Variants in ANKRD17 observed in about 807,000 individuals in gnomAD.
ANKRD17 encodes ankyrin repeat domain 17.
A neutral mutation model predicts 229.7 loss-of-function variants in ANKRD17; 19 were observed. The observed-to-expected ratio is 0.08, with a 90% CI of 0.06 to 0.12. The LOEUF (loss-of-function observed/expected upper bound fraction) is 0.12. Ranked by LOEUF, ANKRD17 falls within the 10% of genes least tolerant of loss-of-function variation. ANKRD17 has a pLI of 1.00. For synonymous variants in ANKRD17, 1,112 were observed against 1,146.1 expected (o/e 0.97, Z 0.60); for missense variants, 2,176 against 3,176.8 (o/e 0.68, Z 7.57).
At position 73,258,299 on chromosome 4, in the gene ANKRD17, C is replaced by T; in HGVS notation, c.370G>A (p.Asp124Asn). The change falls in exon 1 of 34, where the codon GAC (aspartate) becomes AAC (asparagine). Residue 124 changes from aspartate (D) to asparagine (N), a missense_variant. Asp to Asn is a conservative substitution (Grantham distance 23). Transcript: ENST00000358602. ...GCCTCAGAAACCTCCTCTTCCTCGTCGTCGTCGTCCTCTTCTTCCTCGCTG... is the reference window on the plus strand; with the variant it reads ...GCCTCAGAAACCTCCTCTTCCTCGTTGTCGTCGTCCTCTTCTTCCTCGCTG... The part of the protein sequence containing the change: ...NNSEEEEDDD[D>N]EEEEVSEVES... 1 of 1,613,776 alleles carries T rather than the reference C, an allele frequency of 6.2e-7. No homozygotes were observed. Among genetic ancestry groups the T allele is most frequent in the Non-Finnish European group, 8.5e-7 (1 of 1,180,008 alleles).
intron 3 of ANKRD17, among the ~76,000 whole-genome samples, chr4:73,156,423 T>G (rs1731667254): frequency 6.6e-6 from 1 of 152,136 alleles, no homozygotes; most frequent in Admixed American, 6.5e-5. Flanking sequence ...TATTGGATTT[T>G]TATGTCAAAT....
chr4:73,155,602 A>G (rs1731561776), intron 5 of ANKRD17, 29 bp downstream of exon 5: 1 of 1,611,918 alleles, frequency 6.2e-7, no homozygotes, highest in Non-Finnish European at 8.5e-7. Flanking sequence ...GTTACTATGT[A>G]GTAAAACTGA....
chr4:73,220,726 C>T (rs79872953), intron 1 of ANKRD17, among the ~76,000 whole-genome samples: 8,888 of 152,036 alleles, frequency 0.058, 847 homozygotes, highest in African/African-American at 0.2. Flanking sequence ...TTATTCAATG[C>T]AAATAAGCAT....
rs59284237 is a variant in ANKRD17, at chr4:73,124,288, G to GA, written c.3492+624dup. Among the ~76,000 whole-genome samples the GA allele has an allele frequency of 7.1e-4, 68 of 96,190 alleles. 2 individuals carry two copies. Among genetic ancestry groups the GA allele is most frequent in the East Asian group, 4.2e-3 (14 of 3,308 alleles). 63.1% of individuals were successfully genotyped at this position (96,190 alleles called of 152,430 possible). On this transcript the variant is annotated intron_variant, in intron 18 of 33. Coordinates refer to ENST00000358602, the MANE Select transcript of ANKRD17 (RefSeq NM_032217.5). Reference sequence around the variant, plus strand: ...ATCCCCTGTACAAAGGACTGAATTTGAAAAAAAAAAAAAGGTTATCTAGCT... The same window carrying GA: ...ATCCCCTGTACAAAGGACTGAATTTGAAAAAAAAAAAAAAGGTTATCTAGCT...
chr4:73,192,281 A>G (rs570135265), intron 1 of ANKRD17, among the ~76,000 whole-genome samples: 1 of 152,206 alleles, frequency 6.6e-6, no homozygotes, highest in East Asian at 1.9e-4. Context: ...TATTTACCAA[A>G]TGGATACATT....
chr4:73,149,309 GA>G (rs201514471), intron 7 of ANKRD17, among the ~76,000 whole-genome samples: 14 of 148,172 alleles, frequency 9.4e-5, no homozygotes, highest in East Asian at 3.9e-4. Flanking sequence ...TTAACCATTA[GA>G]AAAAAAAACA....
rs1387286721 is a variant in ANKRD17 at position 73,091,625 on chromosome 4, T to A, written c.6003A>T (p.Thr2001=). The change falls in exon 29 of 34, where the codon ACA becomes ACT. Residue 2001 remains threonine, a synonymous_variant. Coordinates refer to ENST00000358602, the MANE Select transcript of ANKRD17 (RefSeq NM_032217.5). The part of the protein sequence containing the change: ...SPSVRRQLFV[T]VVKTSNATTT... ...TGGTGGCATTGGATGTCTTCACAAC[T>A]GTGACAAAAAGCTGCCTTCGGACAG... is the stretch of plus-strand genomic sequence containing the variant. 1 of 1,614,204 alleles carries A rather than the reference T, an allele frequency of 6.2e-7. No homozygotes were observed.
chr4:73,169,348 T>C (rs775170828), intron 2 of ANKRD17, among the ~76,000 whole-genome samples: 1 of 152,088 alleles, frequency 6.6e-6, no homozygotes, highest in Non-Finnish European at 1.5e-5. Context: ...ATGGTTTGAG[T>C]GCCAGCTAAG....
chr4:73,155,102 A>C (rs1038224476), intron 5 of ANKRD17, among the ~76,000 whole-genome samples: 1 of 151,824 alleles, frequency 6.6e-6, no homozygotes, highest in Non-Finnish European at 1.5e-5. Flanking sequence ...TGCACAAAAT[A>C]TTTCCATGAA....
intron 17 of ANKRD17, 54 bp from the exon 18 acceptor site, chr4:73,125,112 T>G (rs1173487562): frequency 6.2e-7 from 1 of 1,603,204 alleles, no homozygotes; most frequent in Admixed American, 1.7e-5. Context: ...GAACAAAATA[T>G]CTGACCTTCA....
intron 1 of ANKRD17, among the ~76,000 whole-genome samples, chr4:73,246,454 G>C (rs1017349812): frequency 1.3e-5 from 2 of 152,092 alleles, no homozygotes; most frequent in African/African-American, 4.8e-5. Context: ...GTAACTGGAT[G>C]GGACTTTGAA....
intron 2 of ANKRD17, among the ~76,000 whole-genome samples, chr4:73,165,719 T>C (rs1388691443): frequency 2.0e-5 from 3 of 152,146 alleles, no homozygotes; most frequent in African/African-American, 7.2e-5. Flanking sequence ...AAGGCAGAGA[T>C]TTCTTTGGCT....
intron 2 of ANKRD17, 108 bp from the exon 3 acceptor site, chr4:73,161,456 G>T: frequency 9.1e-7 from 1 of 1,104,790 alleles, no homozygotes; most frequent in Non-Finnish European, 1.3e-6. Context: ...ACCTCCAAAT[G>T]GTAGAGTAGA....
chr4:73,091,181 C>A lies in ANKRD17; in HGVS notation c.6447G>T (p.Val2149=). The A allele has an allele frequency of 6.2e-7, 1 of 1,614,174 alleles. No individual in the cohort carries two copies. Among genetic ancestry groups the A allele is most frequent in the Non-Finnish European group, 8.5e-7 (1 of 1,180,040 alleles). ...PLATSSAPVA[V]PSTAPVTYPM... is the part of the protein sequence containing the mutation. Reference sequence around the variant, plus strand: ...GGTAAGTCACTGGGGCAGTAGAAGGCACCGCCACTGGAGCAGAACTTGTTG... The same window carrying A: ...GGTAAGTCACTGGGGCAGTAGAAGGAACCGCCACTGGAGCAGAACTTGTTG... Residue 2149 remains valine, a synonymous_variant, in exon 29 of 34, where the codon GTG becomes GTT. Transcript: ENST00000358602.
At chr4:73,101,300 T>C in intron 25 of ANKRD17, 1 of 789,888 alleles carries the variant, frequency 1.3e-6, no homozygotes, top group Non-Finnish European at 1.5e-6. Flanking sequence ...TATTATGAAA[T>C]TACCATTTAT....
In ANKRD17 at chr4:73,125,229, T is replaced by C. The variant is rs761066257; in HGVS notation, c.3318A>G (p.Gly1106=). 1.2e-6 allele frequency: 2 copies of C among 1,613,394 alleles called. No homozygotes were observed. The highest frequency in any genetic ancestry group is 1.1e-5 in the South Asian group (1 of 91,032). The change falls in exon 17 of 34, where the codon GGA becomes GGG. Residue 1106 remains glycine, a synonymous_variant. Coordinates refer to ENST00000358602, the MANE Select transcript of ANKRD17 (RefSeq NM_032217.5). The part of the protein sequence containing the change: ...EELVQTLLER[G]ASIEHRDKKG... ...TCTTGTCTCGGTGCTCTATACTAGC[T>C]CCTCTCTCTAGCAGTGTTTGTACCA... is the stretch of plus-strand genomic sequence containing the variant.
At position 73,218,739 on chromosome 4, in the gene ANKRD17, G is replaced by C. The variant is rs115623845; in HGVS notation, c.393+39537C>G. Among the ~76,000 whole-genome samples, 1,171 of 151,824 alleles carry C rather than the reference G, an allele frequency of 7.7e-3. 13 individuals carry two copies. Among genetic ancestry groups the C allele is most frequent in the African/African-American group, 0.027 (1,134 of 41,368 alleles). On this transcript the variant is annotated intron_variant, in intron 1 of 33. Coordinates refer to ENST00000358602, the MANE Select transcript of ANKRD17 (RefSeq NM_032217.5). Reference sequence around the variant, plus strand: ...CACCTCTGTGAGACAAAATTAGCTGGACTAACCTCATTGAATTTCAAGTGC... The same window carrying C: ...CACCTCTGTGAGACAAAATTAGCTGCACTAACCTCATTGAATTTCAAGTGC...
rs757694778 is a variant in ANKRD17, at chr4:73,078,592, T to C, written c.7408+50A>G. 7 of 1,567,030 alleles carry C rather than the reference T, an allele frequency of 4.5e-6. No individual in the cohort carries two copies. The South Asian group carries it at 5.8e-5, about 13-fold the overall frequency. On this transcript the variant is annotated intron_variant, in intron 31 of 33. Transcript: ENST00000358602. ...TTAAAGTTAAATACTGTTTACATTA[T>C]AGTTAAATGCATTAAGTTAATTTCT...
At chr4:73,245,660 T>C (rs970758988) in intron 1 of ANKRD17, among the ~76,000 whole-genome samples, 6 of 152,118 alleles carry the variant, frequency 3.9e-5, no homozygotes, top group Non-Finnish European at 8.8e-5. Flanking sequence ...ATAACAATCA[T>C]ATATAAATCT....
Sources: allele counts gnomAD v4.1 joint callset (sites outside exome capture counted in the v4.1 genomes callset), GRCh38; gene constraint gnomAD v4.1.1; transcripts MANE v1.5; gene names NCBI Gene and HGNC (gene_info 2026-07-23, HGNC 2026-07-21).